Variants in GREB1L observed in about 807,000 individuals in gnomAD.
The protein encoded by GREB1L is GREB1-like protein.
In GREB1L, 17 loss-of-function variants were observed where a neutral mutation model predicts 200.8. The observed-to-expected ratio is 0.08, with a 90% CI of 0.06 to 0.13. The LOEUF is 0.13. Among genes scored for constraint, GREB1L ranks in the 10% least tolerant of loss-of-function variants. The pLI is 1.00. For synonymous variants in GREB1L, 789 were observed against 893.0 expected (o/e 0.88, Z 2.08); for missense variants, 1,657 against 2,367.7 (o/e 0.70, Z 6.23).
At chr18:21,246,896 T>C (rs1442085847) in intron 1 of GREB1L, among the ~76,000 whole-genome samples, 1 of 152,170 alleles carries the variant, frequency 6.6e-6, no homozygotes, top group Non-Finnish European at 1.5e-5. Context: ...AGAGAGAAAA[T>C]TTATGATCTC....
chr18:21,348,089 C>A (rs1037841304), intron 1 of GREB1L, among the ~76,000 whole-genome samples: 15 of 151,716 alleles, frequency 9.9e-5, no homozygotes, highest in African/African-American at 3.4e-4. Context: ...GGACTACAGG[C>A]ACCCACCACC....
At chr18:21,376,307 C>T (rs2040067055) in intron 2 of GREB1L, among the ~76,000 whole-genome samples, 1 of 150,598 alleles carries the variant, frequency 6.6e-6, no homozygotes, top group Non-Finnish European at 1.5e-5. Context: ...TTAGTAGAGA[C>T]GGGGTTTTGC....
intron 11 of GREB1L, among the ~76,000 whole-genome samples, chr18:21,444,925 T>C (rs1598851251): frequency 6.6e-6 from 1 of 152,222 alleles, no homozygotes; most frequent in South Asian, 2.1e-4. Flanking sequence ...CTTTCCATCA[T>C]TGAGGTCATA....
chr18:21,513,345 T>C (rs2037306780), intron 27 of GREB1L, among the ~76,000 whole-genome samples: 2 of 152,170 alleles, frequency 1.3e-5, no homozygotes, highest in African/African-American at 2.4e-5. Context: ...GCAGGGGACA[T>C]ATCAGTGGAA....
chr18:21,481,459 GTGTGTGTGTGTGTGTGTGTATA>G (rs2035914271), intron 17 of GREB1L, among the ~76,000 whole-genome samples: 1 of 142,692 alleles, frequency 7.0e-6, no homozygotes, highest in South Asian at 2.3e-4. Context: ...GTGTGTGTGT[GTGTGTGTGTGTGTGTGTGTATA>G]TATATATATA....
rs776310404 is a variant in GREB1L, at chr18:21,485,625, C to T, written c.2562C>T (p.Asp854=). The part of the protein sequence containing the change: ...VHWIQLDTGE[D]VGCEEKLYFG... Reference sequence around the variant, plus strand: ...TGCTCTGTATTTTGAACCAGGAGGACGTGGGCTGCGAGGAGAAGCTGTACT... The same window carrying T: ...TGCTCTGTATTTTGAACCAGGAGGATGTGGGCTGCGAGGAGAAGCTGTACT... The change falls in exon 18 of 33, where the codon GAC becomes GAT. Residue 854 remains aspartate, a synonymous_variant. Coordinates refer to ENST00000424526, the MANE Select transcript of GREB1L (RefSeq NM_001142966.3). 43 of 1,550,826 alleles carry T rather than the reference C, an allele frequency of 2.8e-5. No homozygotes were observed. Among genetic ancestry groups the T allele is most frequent in the African/African-American group, 2.2e-4 (16 of 72,970 alleles).
At chr18:21,348,274 A>G (rs1399361681) in intron 1 of GREB1L, among the ~76,000 whole-genome samples, 1 of 151,756 alleles carries the variant, frequency 6.6e-6, no homozygotes, top group Admixed American at 6.6e-5. Context: ...AGTGTTTCTC[A>G]TGGTTTCCTC....
At chr18:21,353,144 T>A (rs1322498722) in intron 1 of GREB1L, among the ~76,000 whole-genome samples, 1 of 149,684 alleles carries the variant, frequency 6.7e-6, no homozygotes, top group Non-Finnish European at 1.5e-5. Flanking sequence ...ATCGCATCAC[T>A]GCACTCCAGC....
At chr18:21,499,542 C>T (rs1174543974) in intron 21 of GREB1L, among the ~76,000 whole-genome samples, 187 bp from the exon 22 acceptor site, 2 of 152,204 alleles carry the variant, frequency 1.3e-5, no homozygotes, top group African/African-American at 4.8e-5. Flanking sequence ...GCCAAACCAA[C>T]TGAGAAGCCA....
chr18:21,287,104 A>G (rs1236154453), intron 1 of GREB1L, among the ~76,000 whole-genome samples: 1 of 152,226 alleles, frequency 6.6e-6, no homozygotes, highest in Non-Finnish European at 1.5e-5. Flanking sequence ...CATGCCTTTT[A>G]AAATGAGCTA....
At chr18:21,307,256 C>T (rs1389800010) in intron 1 of GREB1L, among the ~76,000 whole-genome samples, 1 of 152,204 alleles carries the variant, frequency 6.6e-6, no homozygotes, top group African/African-American at 2.4e-5. Flanking sequence ...TAGTTACATG[C>T]AGCAGTTACC....
chr18:21,280,394 T>TC (rs1231724833), intron 1 of GREB1L, among the ~76,000 whole-genome samples: 1 of 150,584 alleles, frequency 6.6e-6, no homozygotes, highest in Admixed American at 6.6e-5. Context: ...TTTCTTTCTT[T>TC]TTTTTTTTTT....
intron 7 of GREB1L, among the ~76,000 whole-genome samples, chr18:21,438,342 A>T (rs1190856320): frequency 6.6e-6 from 1 of 152,130 alleles, no homozygotes; most frequent in Non-Finnish European, 1.5e-5. Context: ...TATTACAGTT[A>T]TTTTTAAAAG....
At chr18:21,313,241 G>A (rs1364368238) in intron 1 of GREB1L, among the ~76,000 whole-genome samples, 3 of 151,916 alleles carry the variant, frequency 2.0e-5, no homozygotes, top group Non-Finnish European at 4.4e-5. Flanking sequence ...AAAAATAAGA[G>A]CCAGGAAGGT....
intron 4 of GREB1L, among the ~76,000 whole-genome samples, chr18:21,393,297 GT>G (rs1157031323): frequency 6.6e-6 from 1 of 151,766 alleles, no homozygotes; most frequent in Non-Finnish European, 1.5e-5. Context: ...CTGAAATAGC[GT>G]TTTTTTCCCT....
chr18:21,389,814 A>G (rs2040718969), intron 4 of GREB1L, among the ~76,000 whole-genome samples: 1 of 152,180 alleles, frequency 6.6e-6, no homozygotes, highest in Non-Finnish European at 1.5e-5. Flanking sequence ...ACAAGTATGA[A>G]ATAGGTGAAT....
Position 21,515,468 on chromosome 18 carries a change from C to T in GREB1L, c.4953C>T (p.Val1651=), listed in dbSNP as rs1188666496. The T allele has an allele frequency of 6.4e-7, 1 of 1,551,684 alleles. No homozygotes were observed. Among genetic ancestry groups the T allele is most frequent in the Non-Finnish European group, 8.7e-7 (1 of 1,146,972 alleles). The part of the protein sequence containing the change: ...VSSKNVSLKT[V]LQHIEATPKI... Reference sequence around the variant, plus strand: ...GTAAGAATGTGTCCTTGAAGACTGTCTTGCAGCACATTGAAGCCACACCAA... The same window carrying T: ...GTAAGAATGTGTCCTTGAAGACTGTTTTGCAGCACATTGAAGCCACACCAA... Residue 1651 remains valine (V), a synonymous_variant, in exon 29 of 33, where the codon GTC becomes GTT. Transcript: ENST00000424526.
chr18:21,376,465 C>G (rs1414666659), intron 2 of GREB1L, among the ~76,000 whole-genome samples: 3 of 150,212 alleles, frequency 2.0e-5, no homozygotes, highest in Non-Finnish European at 3.0e-5. Flanking sequence ...ACTGAGGGGC[C>G]CAAAAATCTC....
chr18:21,284,396 A>G (rs2038320692), intron 1 of GREB1L, among the ~76,000 whole-genome samples: 1 of 152,198 alleles, frequency 6.6e-6, no homozygotes, highest in African/African-American at 2.4e-5. Context: ...AGATATGCCT[A>G]TTCTAGAAAT....
Sources: allele counts gnomAD v4.1 joint callset (sites outside exome capture counted in the v4.1 genomes callset), GRCh38; gene constraint gnomAD v4.1.1; transcripts MANE v1.5; gene names NCBI Gene and HGNC (gene_info 2026-07-23, HGNC 2026-07-21).